The following GRAMD1A variants were observed in gnomAD, a reference collection of about 807,000 sequenced individuals.
The protein encoded by GRAMD1A is protein Aster-A.
Under a neutral mutation model 92.0 loss-of-function variants are expected in GRAMD1A, and 50 were observed. The observed-to-expected ratio is 0.54, with a 90% CI of 0.43 to 0.69. The LOEUF (loss-of-function observed/expected upper bound fraction) is 0.69. Ranked by LOEUF, GRAMD1A falls within the 30% of genes least tolerant of loss-of-function variation. GRAMD1A has a pLI of 0.00. For synonymous variants in GRAMD1A, 405 were observed against 403.6 expected (o/e 1.00, Z -0.04); for missense variants, 819 against 978.9 (o/e 0.84, Z 2.18).
intron 1 of GRAMD1A, chr19:35,005,837 G>C: frequency 2.2e-6 from 1 of 456,106 alleles, no homozygotes; most frequent in Non-Finnish European, 4.4e-6. Context: ...GTGGGGTCAC[G>C]CATGAGCCAA....
chr19:35,026,245 C>T lies in GRAMD1A; in HGVS notation c.*104C>T, dbSNP rs141538411. On this transcript the variant is annotated 3_prime_UTR_variant, in exon 20 of 20. Transcript: ENST00000317991. ...GAGCGCCAGGCATCTCCCACCCGCC[C>T]CTCCCGACGGCCCAACCAGGGGCTG... 51 of 679,852 alleles carry T rather than the reference C, an allele frequency of 7.5e-5. No homozygotes were observed. The East Asian group carries it at 1.4e-3, about 18-fold the overall frequency. 42.1% of individuals were successfully genotyped at this position (679,852 alleles called of 1,614,324 possible).
At chr19:35,010,049 C>A (rs1161153577) in intron 4 of GRAMD1A, 43 bp from the exon 5 acceptor site, 5 of 1,538,836 alleles carry the variant, frequency 3.2e-6, no homozygotes, top group Non-Finnish European at 4.5e-6. Flanking sequence ...CCGGCTGAGC[C>A]TCGTGACTTG....
At chr19:34,995,931 G>C, upstream of GRAMD1A, 2 of 1,112,674 alleles carry the variant, frequency 1.8e-6, no homozygotes, top group Admixed American at 2.8e-5. Flanking sequence ...GGAGCCACGG[G>C]GGAAGGTGGT....
At chr19:35,007,344 A>G (rs992077704) in intron 1 of GRAMD1A, among the ~76,000 whole-genome samples, 2 of 151,910 alleles carry the variant, frequency 1.3e-5, no homozygotes, top group African/African-American at 4.8e-5. Context: ...ACCTGAGGTC[A>G]GGAAGGAGTT....
intron 1 of GRAMD1A, among the ~76,000 whole-genome samples, chr19:35,008,315 TGA>T (rs1202496761): frequency 1.2e-4 from 18 of 151,418 alleles, no homozygotes; most frequent in African/African-American, 4.1e-4. Context: ...GGTGACAGAG[TGA>T]GAGATTCCGT....
intron 18 of GRAMD1A, 26 bp downstream of exon 18, chr19:35,023,369 G>C: frequency 1.9e-6 from 3 of 1,613,944 alleles, no homozygotes; most frequent in Non-Finnish European, 2.5e-6. Flanking sequence ...GGGGAAATGG[G>C]GGGGCTTGGG....
intron 16 of GRAMD1A, 90 bp downstream of exon 16, chr19:35,022,128 C>G: frequency 5.6e-6 from 5 of 890,918 alleles, no homozygotes; most frequent in Non-Finnish European, 8.8e-6. Context: ...TCTTTGAGCT[C>G]TCTGCTTAAG....
At chr19:35,003,958 G>A (rs1320651421) in intron 1 of GRAMD1A, among the ~76,000 whole-genome samples, 1 of 152,218 alleles carries the variant, frequency 6.6e-6, no homozygotes, top group Non-Finnish European at 1.5e-5. Context: ...TGGGCACAGT[G>A]GCTCATGCCT....
At chr19:34,997,739 T>G (rs762373336), upstream of GRAMD1A, among the ~76,000 whole-genome samples, 3 of 152,112 alleles carry the variant, frequency 2.0e-5, no homozygotes, top group Non-Finnish European at 4.4e-5. Flanking sequence ...GTGATAGTGT[T>G]GGTGGATGCC....
chr19:35,014,182 TC>T lies in GRAMD1A; in HGVS notation c.871-5del. On this transcript the variant is annotated splice_region_variant and splice_polypyrimidine_tract_variant and intron_variant, in intron 9 of 19. Transcript: ENST00000317991. ...TGGCCAAGGCTGCATCGGGCCTTTC[TC>T]CACAGGCAGAGGAGGACAAGGAGGA... 1.9e-6 allele frequency: 3 copies of T among 1,612,424 alleles called. 1 individual carries two copies.
In GRAMD1A at chr19:35,021,922, C is replaced by A. The variant is rs755105931; in HGVS notation, c.1754-29C>A. ...GGAGGATCGGGGGTCCTGGACTGGG[C>A]CATCTGACTCCAAGCTGCTCTCCTG... On this transcript the variant is annotated intron_variant, in intron 15 of 19. Transcript: ENST00000317991. This position sits in a 1 kb window ranked among gnomAD's most constrained non-coding sequence, Gnocchi z 5.3. The A allele has an allele frequency of 8.1e-6, 13 of 1,612,118 alleles. No homozygotes were observed. The highest frequency in any genetic ancestry group is 1.1e-5 in the Non-Finnish European group (13 of 1,178,682).
At position 35,021,158 on chromosome 19, in the gene GRAMD1A, C is replaced by T. The variant is rs562804674; in HGVS notation, c.1476-344C>T. ...TCAGCTGTCTATGTTGAGCTGAGCC[C>T]ATGTGGAGCTGGGGTGCAGCAGCCG... On this transcript the variant is annotated intron_variant, in intron 13 of 19. Transcript: ENST00000317991. The surrounding 1 kb of genome is among the most constrained non-coding windows in gnomAD (Gnocchi z 5.3). 1.7e-3 allele frequency among the ~76,000 whole-genome samples: 262 copies of T among 152,190 alleles called. No individual in the cohort carries two copies. The highest frequency in any genetic ancestry group is 6.0e-3 in the African/African-American group (249 of 41,514).
At chr19:34,995,305 A>T (rs1223006148) in intron 1 of GRAMD1A, among the ~76,000 whole-genome samples, 1 of 152,238 alleles carries the variant, frequency 6.6e-6, no homozygotes. Context: ...AAAATAGCCC[A>T]GGCCTCCCAC....
chr19:35,005,896 C>G, intron 1 of GRAMD1A: 1 of 456,290 alleles, frequency 2.2e-6, no homozygotes, highest in South Asian at 1.5e-5. Flanking sequence ...GAACTACGAT[C>G]TGGACAGACA....
rs762674637 is a variant in GRAMD1A, at chr19:35,021,596, C to T, written c.1570C>T (p.His524Tyr). The stretch of plus-strand genomic sequence containing the variant: ...GTGGAGCGGCATTGAAGACTATTTC[C>T]ACCATCTGGGTAGGGACAGAAGGCC... ...NSWSGIEDYF[H>Y]HLERELAKAE... Residue 524 changes from histidine (H) to tyrosine (Y), a missense_variant, in exon 14 of 20, where the codon CAC becomes TAC. Physicochemically the swap from His to Tyr is moderately conservative, Grantham distance 83. Transcript: ENST00000317991. This position sits in a 1 kb window ranked among gnomAD's most constrained non-coding sequence, Gnocchi z 5.3. 1.2e-6 allele frequency: 2 copies of T among 1,613,918 alleles called. No homozygotes were observed. The highest frequency in any genetic ancestry group is 2.2e-5 in the South Asian group (2 of 91,080).
chr19:35,022,701 C>CTG (rs1169543671), intron 16 of GRAMD1A, among the ~76,000 whole-genome samples, 199 bp from the exon 17 acceptor site: 4 of 103,266 alleles, frequency 3.9e-5, no homozygotes, highest in East Asian at 2.9e-4. Flanking sequence ...AAGCAGGATC[C>CTG]CGGGGTTGAG....
Position 35,019,676 on chromosome 19 carries a change from A to C in GRAMD1A, c.1475+143A>C, listed in dbSNP as rs1289664065. ...GGTTCCTGAGGCCCTTGTCCTCCGA[A>C]TAGTGGAGGGTAGAGGAAGAGTGGC... On this transcript the variant is annotated intron_variant, in intron 13 of 19. Coordinates refer to ENST00000317991, the MANE Select transcript of GRAMD1A (RefSeq NM_020895.5). The C allele has an allele frequency of 8.7e-6, 7 of 808,880 alleles. No individual in the cohort carries two copies. In the East Asian group the frequency reaches 1.0e-4, roughly 12 times the overall value. 50.1% of individuals were successfully genotyped at this position (808,880 alleles called of 1,614,324 possible).
intron 7 of GRAMD1A, 106 bp downstream of exon 7, chr19:35,011,660 T>C (rs2151715483): frequency 2.6e-6 from 2 of 774,382 alleles, no homozygotes; most frequent in Non-Finnish European, 4.4e-6. Flanking sequence ...CTCTTCTCCA[T>C]GGGCACCAGG....
intron 6 of GRAMD1A, 42 bp from the exon 7 acceptor site, chr19:35,011,432 C>T (rs2015230798): frequency 2.7e-6 from 4 of 1,501,256 alleles, no homozygotes; most frequent in Admixed American, 3.3e-5. Flanking sequence ...CCTGGTCGCT[C>T]CCCAACCTGC....
Sources: gnomAD v4.1 joint callset for allele counts (sites outside exome capture counted in the v4.1 genomes callset) on GRCh38, gnomAD v4.1.1 for gene constraint, Gnocchi (gnomAD v3.1) non-coding constraint, MANE v1.5 for transcripts, NCBI Gene and HGNC (gene_info 2026-07-23, HGNC 2026-07-21) for gene names.